GSK3B: variants seen among roughly 807,000 people sequenced by gnomAD.
GSK3B encodes glycogen synthase kinase-3 beta.
Under a neutral mutation model 56.4 loss-of-function variants are expected in GSK3B, and 15 were observed. The observed-to-expected ratio is 0.27, with a 90% CI of 0.18 to 0.41. GSK3B has a LOEUF of 0.41. GSK3B is among the 10% of genes least tolerant of loss of function. GSK3B has a pLI of 1.00. For missense variants in GSK3B, 300 were observed against 513.4 expected, an observed-to-expected ratio of 0.58 and a Z score of 4.02; for synonymous variants, 181 against 188.9, an observed-to-expected ratio of 0.96 and a Z score of 0.34.
At chr3:119,909,510 A>T (rs2056715432) in intron 6 of GSK3B, among the ~76,000 whole-genome samples, 1 of 152,214 alleles carries the variant, frequency 6.6e-6, no homozygotes, top group African/African-American at 2.4e-5. Flanking sequence ...TGTCCAGCTG[A>T]TCATGCTCTC....
chr3:119,881,990 G>A (rs2108054744), intron 7 of GSK3B, among the ~76,000 whole-genome samples: 1 of 152,228 alleles, frequency 6.6e-6, no homozygotes, highest in East Asian at 1.9e-4. Flanking sequence ...ATGATTGTGA[G>A]GCCTTCCCAG....
Position 120,037,908 on chromosome 3 carries a change from G to A in GSK3B, c.89-35669C>T, listed in dbSNP as rs180724141. The stretch of plus-strand genomic sequence containing the variant: ...ATATTTTCCTGTAATACACTATAGA[G>A]AATAAAATAAGAGGAACTGATGAAT... On this transcript the variant is annotated intron_variant, in intron 1 of 10. Transcript: ENST00000264235. Among the ~76,000 whole-genome samples the A allele has an allele frequency of 5.0e-4, 76 of 152,024 alleles. No homozygotes were observed. The Middle Eastern group carries it at 0.01, about 20-fold the overall frequency.
At chr3:119,926,573 G>C (rs528342959) in intron 3 of GSK3B, among the ~76,000 whole-genome samples, 38 of 152,192 alleles carry the variant, frequency 2.5e-4, no homozygotes, top group African/African-American at 9.2e-4. Flanking sequence ...ATCAAGTCAA[G>C]TTAGACTGTA....
chr3:120,093,546 G>T lies in GSK3B; in HGVS notation c.-112C>A. On this transcript the variant is annotated 5_prime_UTR_variant, in exon 1 of 11. Transcript: ENST00000264235. ...TGCAGCATTAAGTTCTCCCACAGAAGAAAAAGAAAAAGACTTCGTCCTCTT... is the reference window on the plus strand; with the variant it reads ...TGCAGCATTAAGTTCTCCCACAGAATAAAAAGAAAAAGACTTCGTCCTCTT... The T allele has an allele frequency of 1.5e-6, 1 of 676,082 alleles. No homozygotes were observed. Among genetic ancestry groups the T allele is most frequent in the African/African-American group, 1.8e-5 (1 of 55,822 alleles). 41.9% of individuals were successfully genotyped at this position (676,082 alleles called of 1,614,324 possible).
chr3:120,047,755 A>G (rs1470298920), intron 1 of GSK3B, among the ~76,000 whole-genome samples: 1 of 152,226 alleles, frequency 6.6e-6, no homozygotes, highest in Non-Finnish European at 1.5e-5. Flanking sequence ...GTGGTAATAA[A>G]TACAATATTT....
At chr3:119,964,136 A>G (rs1408554613) in intron 2 of GSK3B, among the ~76,000 whole-genome samples, 1 of 152,236 alleles carries the variant, frequency 6.6e-6, no homozygotes, top group Non-Finnish European at 1.5e-5. Flanking sequence ...CAGAAAATAT[A>G]ACAAACTCCT....
chr3:119,945,037 G>A (rs899299855), intron 3 of GSK3B, among the ~76,000 whole-genome samples: 1 of 152,182 alleles, frequency 6.6e-6, no homozygotes, highest in Non-Finnish European at 1.5e-5. Flanking sequence ...GGAAGAAATA[G>A]TTTACTACTT....
At chr3:120,069,438 C>T (rs2058308657) in intron 1 of GSK3B, among the ~76,000 whole-genome samples, 1 of 152,038 alleles carries the variant, frequency 6.6e-6, no homozygotes, top group Admixed American at 6.6e-5. Flanking sequence ...CTGAATGGTC[C>T]CAAATAGTTA....
chr3:119,989,111 C>T (rs574709289), intron 2 of GSK3B, among the ~76,000 whole-genome samples: 1 of 152,320 alleles, frequency 6.6e-6, no homozygotes, highest in East Asian at 1.9e-4. Context: ...GACGCTGCCT[C>T]TAAGCTCCCC....
At chr3:119,919,123 T>C (rs2056810920) in intron 4 of GSK3B, among the ~76,000 whole-genome samples, 1 of 152,158 alleles carries the variant, frequency 6.6e-6, no homozygotes, top group Admixed American at 6.5e-5. Context: ...AGTTCTGAAA[T>C]ATACTCATCA....
intron 8 of GSK3B, among the ~76,000 whole-genome samples, chr3:119,872,158 A>T (rs2056257241): frequency 1.3e-5 from 2 of 152,174 alleles, no homozygotes; most frequent in Admixed American, 6.6e-5. Context: ...CTAAACTTTC[A>T]AATTCATTGC....
At chr3:120,059,207 TACTC>T (rs1321125200) in intron 1 of GSK3B, among the ~76,000 whole-genome samples, 1 of 152,068 alleles carries the variant, frequency 6.6e-6, no homozygotes, top group Non-Finnish European at 1.5e-5. Context: ...AAACCAAAAA[TACTC>T]AATAAAATAA....
At chr3:119,960,580 T>A (rs2057262105) in intron 2 of GSK3B, among the ~76,000 whole-genome samples, 2 of 152,024 alleles carry the variant, frequency 1.3e-5, no homozygotes, top group African/African-American at 4.8e-5. Flanking sequence ...GGGTAAAGAG[T>A]TTTACCCATG....
intron 1 of GSK3B, among the ~76,000 whole-genome samples, chr3:120,002,596 C>T (rs2057689729): frequency 6.6e-6 from 1 of 152,128 alleles, no homozygotes; most frequent in South Asian, 2.1e-4. Context: ...TCCTTGGCCT[C>T]CAAAGTGCTG....
intron 9 of GSK3B, among the ~76,000 whole-genome samples, chr3:119,857,922 C>A (rs1626696): frequency 0.9 from 136,427 of 152,250 alleles, 61,238 homozygotes; most frequent in Admixed American, 0.93. Context: ...CTCCTTGTAC[C>A]TCTCCATCAG....
chr3:119,968,481 T>C (rs1027568967), intron 2 of GSK3B, among the ~76,000 whole-genome samples: 9 of 152,228 alleles, frequency 5.9e-5, no homozygotes, highest in Admixed American at 3.9e-4. Flanking sequence ...ATTCCAGGTA[T>C]GCAAGACTGG....
chr3:119,962,675 T>C (rs1576232286), intron 2 of GSK3B, among the ~76,000 whole-genome samples: 1 of 152,298 alleles, frequency 6.6e-6, no homozygotes, highest in African/African-American at 2.4e-5. Flanking sequence ...TTCAGTCAAG[T>C]TGCAGGACAC....
intron 2 of GSK3B, among the ~76,000 whole-genome samples, chr3:119,970,543 C>T (rs913734149): frequency 5.3e-5 from 8 of 150,100 alleles, no homozygotes; most frequent in African/African-American, 4.9e-5. Flanking sequence ...AGGCCAAGGC[C>T]GGTGGATCAC....
intron 3 of GSK3B, among the ~76,000 whole-genome samples, chr3:119,936,909 T>C (rs1015330810): frequency 5.9e-5 from 9 of 151,954 alleles, no homozygotes; most frequent in Non-Finnish European, 1.3e-4. Context: ...ATATACAGAA[T>C]ACAGCCACCC....
Sources: gnomAD v4.1 joint callset for allele counts (sites outside exome capture counted in the v4.1 genomes callset) on GRCh38, gnomAD v4.1.1 for gene constraint, MANE v1.5 for transcripts, NCBI Gene and HGNC (gene_info 2026-07-23, HGNC 2026-07-21) for gene names.